The following RBFOX1 variants were observed in gnomAD, a reference collection of about 807,000 sequenced individuals.
RBFOX1 encodes RNA binding fox-1 homolog 1, also known as RNA binding protein fox-1 homolog 1.
RBFOX1 carries 8 observed loss-of-function variants against 57.7 expected under a neutral mutation model. The ratio of observed to expected loss-of-function variants is 0.14; its 90% CI spans 0.08 to 0.25. The LOEUF is 0.25. Ranked by LOEUF, RBFOX1 falls within the 10% of genes least tolerant of loss-of-function variation. The probability of loss-of-function intolerance (pLI) is 1.00; values close to 1 mark genes in which losing one functional copy is unlikely to be tolerated. For synonymous variants in RBFOX1, 326 were observed against 222.4 expected, an observed-to-expected ratio of 1.47 and a Z score of -4.15; for missense variants, 611 against 548.5, an observed-to-expected ratio of 1.11 and a Z score of -1.14.
At chr16:6,461,953 AG>A (rs1189054964) in intron 2 of RBFOX1, among the ~76,000 whole-genome samples, 16 of 152,178 alleles carry the variant, frequency 1.1e-4, no homozygotes, top group African/African-American at 3.9e-4. Flanking sequence ...GATTAATGCC[AG>A]GGGCTTGTAT....
intron 2 of RBFOX1, among the ~76,000 whole-genome samples, chr16:6,488,778 G>A (rs1343355302): frequency 1.3e-5 from 2 of 152,002 alleles, no homozygotes; most frequent in Non-Finnish European, 2.9e-5. Flanking sequence ...CAGTTTTTGT[G>A]TCTTTGCGAG....
chr16:7,056,815 A>T (rs1044898655), intron 4 of RBFOX1, among the ~76,000 whole-genome samples: 1 of 152,282 alleles, frequency 6.6e-6, no homozygotes, highest in African/African-American at 2.4e-5. Context: ...TGTTCTGTGG[A>T]TTCAAATACT....
intron 4 of RBFOX1, among the ~76,000 whole-genome samples, chr16:5,943,858 C>T (rs1162512498): frequency 6.6e-6 from 1 of 151,840 alleles, no homozygotes; most frequent in Non-Finnish European, 1.5e-5. Flanking sequence ...CCTATTCATC[C>T]ACTCATCCAT....
intron 3 of RBFOX1, among the ~76,000 whole-genome samples, chr16:7,029,466 TAG>T (rs147760374): frequency 6.6e-6 from 1 of 151,816 alleles, no homozygotes; most frequent in Non-Finnish European, 1.5e-5. Context: ...CAGGATGGAA[TAG>T]AGTTTGGTTT....
chr16:6,650,444 G>T (rs1177785332), intron 2 of RBFOX1, among the ~76,000 whole-genome samples: 1 of 152,156 alleles, frequency 6.6e-6, no homozygotes, highest in Non-Finnish European at 1.5e-5. Flanking sequence ...TCTGGTTACA[G>T]ATTTAAGCTC....
intron 4 of RBFOX1, among the ~76,000 whole-genome samples, chr16:7,312,964 C>T (rs113768555): frequency 6.6e-6 from 1 of 151,860 alleles, no homozygotes; most frequent in African/African-American, 2.4e-5. Context: ...TGGGAGGGTA[C>T]CCTAGTTTCA....
chr16:5,319,441 C>T (rs1294929968), intron 1 of RBFOX1, among the ~76,000 whole-genome samples: 3 of 152,150 alleles, frequency 2.0e-5, no homozygotes, highest in East Asian at 1.9e-4. Context: ...CCTTCTTTTC[C>T]AGCCATAGCC....
intron 1 of RBFOX1, among the ~76,000 whole-genome samples, chr16:5,406,084 T>A (rs1035931675): frequency 3.9e-5 from 6 of 152,238 alleles, no homozygotes; most frequent in African/African-American, 1.4e-4. Flanking sequence ...TTCCAACTTA[T>A]GTATTTGAAA....
chr16:7,664,769 T>G, intron 12 of RBFOX1, 160 bp from the exon 13 acceptor site: 2 of 1,311,372 alleles, frequency 1.5e-6, no homozygotes, highest in South Asian at 1.4e-5. Flanking sequence ...TTTGCTCAAC[T>G]GCCGTTGTCT....
At chr16:5,453,531 C>T (rs1178984531) in intron 1 of RBFOX1, among the ~76,000 whole-genome samples, 1 of 152,112 alleles carries the variant, frequency 6.6e-6, no homozygotes. Flanking sequence ...AAGGAAATGA[C>T]CCCACATGGG....
intron 1 of RBFOX1, among the ~76,000 whole-genome samples, chr16:6,316,588 C>T (rs1372649720): frequency 2.0e-5 from 3 of 152,184 alleles, no homozygotes; most frequent in Non-Finnish European, 2.9e-5. Flanking sequence ...GAAATGTCAA[C>T]CTCCAGTCTT....
chr16:6,574,892 G>T (rs905543395), intron 2 of RBFOX1, among the ~76,000 whole-genome samples: 7 of 151,370 alleles, frequency 4.6e-5, no homozygotes, highest in Non-Finnish European at 1.0e-4. Flanking sequence ...CAAAAAATTT[G>T]GCAGGCGTGG....
intron 1 of RBFOX1, among the ~76,000 whole-genome samples, chr16:6,060,026 T>G (rs2095662779): frequency 6.6e-6 from 1 of 152,016 alleles, no homozygotes. Context: ...GATGCTGTTC[T>G]TTCCCACTCT....
chr16:7,384,076 A>T lies in RBFOX1; in HGVS notation c.28-134071A>T, dbSNP rs2097836331. 2.0e-5 allele frequency among the ~76,000 whole-genome samples: 3 copies of T among 151,680 alleles called. No individual in the cohort carries two copies. In the South Asian group the frequency reaches 6.2e-4, roughly 31 times the overall value. On this transcript the variant is annotated intron_variant, in intron 4 of 15. Transcript: ENST00000550418. ...CTCAAAAAAAAAAAAAAAGTATCCCAAGTATGAGAAACATCAGTATAAATA... is the reference window on the plus strand; with the variant it reads ...CTCAAAAAAAAAAAAAAAGTATCCCTAGTATGAGAAACATCAGTATAAATA...
At chr16:6,865,437 C>T (rs979516240) in intron 3 of RBFOX1, among the ~76,000 whole-genome samples, 2 of 151,920 alleles carry the variant, frequency 1.3e-5, no homozygotes, top group African/African-American at 4.8e-5. Context: ...TTAGTGTGTG[C>T]CATGGGGATA....
intron 2 of RBFOX1, among the ~76,000 whole-genome samples, chr16:6,426,954 G>C (rs1460830310): frequency 6.6e-6 from 1 of 152,056 alleles, no homozygotes; most frequent in Non-Finnish European, 1.5e-5. Context: ...TCAGTGTTTT[G>C]CCTTTTCAGT....
intron 3 of RBFOX1, among the ~76,000 whole-genome samples, chr16:6,843,302 G>A (rs575064994): frequency 3.3e-5 from 5 of 152,080 alleles, no homozygotes; most frequent in African/African-American, 1.2e-4. Context: ...GAGTGGCCAT[G>A]GTGGTCTTCT....
intron 4 of RBFOX1, among the ~76,000 whole-genome samples, chr16:5,916,823 C>T (rs1187492389): frequency 1.3e-5 from 2 of 152,116 alleles, no homozygotes; most frequent in African/African-American, 4.8e-5. Context: ...GGGAGAGAGT[C>T]GGAAACCACA....
intron 2 of RBFOX1, among the ~76,000 whole-genome samples, chr16:6,524,980 G>A (rs1396339916): frequency 6.6e-6 from 1 of 152,118 alleles, no homozygotes; most frequent in Non-Finnish European, 1.5e-5. Context: ...TCACTTCTGA[G>A]TATCTGGGTA....
Sources: allele counts gnomAD v4.1 joint callset (sites outside exome capture counted in the v4.1 genomes callset), GRCh38; gene constraint gnomAD v4.1.1; transcripts MANE v1.5; gene names NCBI Gene and HGNC (gene_info 2026-07-23, HGNC 2026-07-21).